APBB1IP: variants seen among roughly 807,000 people sequenced by gnomAD.
APBB1IP encodes amyloid beta precursor protein binding family B member 1 interacting protein, also known as amyloid beta A4 precursor protein-binding family B member 1-interacting protein.
In APBB1IP, 27 loss-of-function variants were observed where a neutral mutation model predicts 64.9. The observed-to-expected ratio is 0.42, with a 90% CI of 0.31 to 0.57. The LOEUF is 0.57. APBB1IP is among the 20% of genes least tolerant of loss of function. The pLI is 0.20. For synonymous variants in APBB1IP, 392 were observed against 331.0 expected (o/e 1.18, Z -2.00); for missense variants, 812 against 845.5 (o/e 0.96, Z 0.49).
intron 2 of APBB1IP, among the ~76,000 whole-genome samples, chr10:26,458,952 A>G (rs1269543621): frequency 6.6e-6 from 1 of 151,468 alleles, no homozygotes; most frequent in Non-Finnish European, 1.5e-5. Flanking sequence ...TTTTATTATT[A>G]TTATACTTTG....
intron 6 of APBB1IP, among the ~76,000 whole-genome samples, chr10:26,506,718 T>C (rs1046211413): frequency 6.6e-6 from 1 of 152,168 alleles, no homozygotes; most frequent in Admixed American, 6.5e-5. Flanking sequence ...CTTTGTCTCT[T>C]TTCCCCACCA....
chr10:26,466,325 A>C (rs1467588244), intron 2 of APBB1IP, among the ~76,000 whole-genome samples: 1 of 152,212 alleles, frequency 6.6e-6, no homozygotes, highest in East Asian at 1.9e-4. Context: ...CACAGCCATC[A>C]CAAGGCTGGT....
intron 2 of APBB1IP, among the ~76,000 whole-genome samples, chr10:26,474,366 C>G (rs566841826): frequency 2.0e-5 from 3 of 152,254 alleles, no homozygotes; most frequent in African/African-American, 7.2e-5. Context: ...AGCAAATATC[C>G]CCTCTGGGCT....
chr10:26,445,591 A>G (rs889194325), intron 2 of APBB1IP, among the ~76,000 whole-genome samples: 1 of 152,240 alleles, frequency 6.6e-6, no homozygotes, highest in African/African-American at 2.4e-5. Flanking sequence ...ACTTTATGCA[A>G]TACAAGGCTT....
At chr10:26,454,950 G>C (rs1322164197) in intron 2 of APBB1IP, among the ~76,000 whole-genome samples, 1 of 152,162 alleles carries the variant, frequency 6.6e-6, no homozygotes, top group Non-Finnish European at 1.5e-5. Flanking sequence ...AAATTGGGAG[G>C]GCTTTGAATG....
intron 8 of APBB1IP, among the ~76,000 whole-genome samples, chr10:26,528,145 G>A (rs1346622056): frequency 1.3e-5 from 2 of 152,086 alleles, no homozygotes; most frequent in African/African-American, 4.8e-5. Context: ...ACATTCTTTT[G>A]GTCAAAGCAA....
intron 8 of APBB1IP, among the ~76,000 whole-genome samples, chr10:26,514,539 T>C (rs779135330): frequency 2.0e-4 from 31 of 152,242 alleles, no homozygotes; most frequent in Non-Finnish European, 3.8e-4. Flanking sequence ...TGTACAAGCA[T>C]GTCCAGGATT....
chr10:26,510,357 C>G (rs971969502), intron 6 of APBB1IP, among the ~76,000 whole-genome samples: 1 of 152,144 alleles, frequency 6.6e-6, no homozygotes, highest in Non-Finnish European at 1.5e-5. Context: ...GCAGCTTCCT[C>G]CAAACCTACA....
intron 2 of APBB1IP, among the ~76,000 whole-genome samples, chr10:26,479,412 G>T (rs1835811160): frequency 6.6e-6 from 1 of 151,930 alleles, no homozygotes; most frequent in Non-Finnish European, 1.5e-5. Flanking sequence ...AATCATGGCT[G>T]GGATAGGAGA....
chr10:26,525,524 G>A (rs556736763), intron 8 of APBB1IP, among the ~76,000 whole-genome samples: 3 of 152,070 alleles, frequency 2.0e-5, no homozygotes, highest in Non-Finnish European at 4.4e-5. Flanking sequence ...CACAGGGGAT[G>A]TGGTCTCTTT....
At chr10:26,447,603 G>A (rs1310513318) in intron 2 of APBB1IP, among the ~76,000 whole-genome samples, 2 of 152,122 alleles carry the variant, frequency 1.3e-5, no homozygotes, top group East Asian at 1.9e-4. Context: ...ATACTGAGGC[G>A]CTTGCAATAA....
chr10:26,478,627 A>AG (rs1310774915), intron 2 of APBB1IP, among the ~76,000 whole-genome samples: 2 of 151,844 alleles, frequency 1.3e-5, no homozygotes, highest in East Asian at 3.9e-4. Flanking sequence ...AAAAAAAAAA[A>AG]AAGGAAAAGA....
At chr10:26,530,898 G>A (rs769415916) in intron 8 of APBB1IP, among the ~76,000 whole-genome samples, 7 of 152,106 alleles carry the variant, frequency 4.6e-5, no homozygotes, top group Admixed American at 1.3e-4. Context: ...ATGGCTAGTC[G>A]TGGTCTTCAA....
intron 10 of APBB1IP, among the ~76,000 whole-genome samples, chr10:26,538,089 TCA>T (rs1480136790): frequency 3.3e-5 from 5 of 152,158 alleles, no homozygotes; most frequent in Non-Finnish European, 5.9e-5. Flanking sequence ...GACTGATTTT[TCA>T]CAGTGTTGTC....
chr10:26,560,917 C>G, intron 13 of APBB1IP, 73 bp downstream of exon 13: 1 of 1,159,770 alleles, frequency 8.6e-7, no homozygotes, highest in Non-Finnish European at 1.2e-6. Context: ...TCCAATACAT[C>G]TATACAAACA....
intron 2 of APBB1IP, among the ~76,000 whole-genome samples, chr10:26,450,277 A>G (rs1321571959): frequency 6.6e-6 from 1 of 152,254 alleles, no homozygotes; most frequent in Non-Finnish European, 1.5e-5. Context: ...GCGCTCAAAA[A>G]TCAAATATCT....
chr10:26,534,678 T>G (rs1470826136), intron 9 of APBB1IP, among the ~76,000 whole-genome samples: 1 of 152,166 alleles, frequency 6.6e-6, no homozygotes, highest in East Asian at 1.9e-4. Context: ...CAGAACCAGC[T>G]GCCACCCCCC....
At chr10:26,470,403 G>A (rs907142396) in intron 2 of APBB1IP, among the ~76,000 whole-genome samples, 1 of 152,118 alleles carries the variant, frequency 6.6e-6, no homozygotes, top group Non-Finnish European at 1.5e-5. Flanking sequence ...GCCGGATGTG[G>A]AGGCAGGCGC....
chr10:26,484,753 C>T (rs1835872400), intron 2 of APBB1IP, among the ~76,000 whole-genome samples: 1 of 152,114 alleles, frequency 6.6e-6, no homozygotes, highest in Non-Finnish European at 1.5e-5. Flanking sequence ...GTTTTAAGTG[C>T]ATCAAATAAT....
Sources: gnomAD v4.1 joint callset for allele counts (sites outside exome capture counted in the v4.1 genomes callset) on GRCh38, gnomAD v4.1.1 for gene constraint, MANE v1.5 for transcripts, NCBI Gene and HGNC (gene_info 2026-07-23, HGNC 2026-07-21) for gene names.